The following MUSK variants were observed in gnomAD, a reference collection of about 807,000 sequenced individuals.
MUSK encodes the protein muscle, skeletal receptor tyrosine-protein kinase.
MUSK carries 55 observed loss-of-function variants against 88.7 expected under a neutral mutation model. The ratio of observed to expected loss-of-function variants is 0.62; its 90% CI spans 0.50 to 0.78. The LOEUF is 0.78. Ranked by LOEUF, MUSK falls within the 30% of genes least tolerant of loss-of-function variation. MUSK has a pLI of 0.00. For synonymous variants in MUSK, 387 were observed against 391.9 expected (o/e 0.99, Z 0.15); for missense variants, 1,015 against 1,074.3 (o/e 0.94, Z 0.77).
intron 6 of MUSK, among the ~76,000 whole-genome samples, chr9:110,737,355 T>C (rs187975203): frequency 4.6e-5 from 7 of 151,980 alleles, no homozygotes; most frequent in South Asian, 2.1e-4. Flanking sequence ...TTAAAATCAA[T>C]AAAACACTTC....
At chr9:110,702,687 A>T (rs953167857) in intron 5 of MUSK, among the ~76,000 whole-genome samples, 4 of 151,928 alleles carry the variant, frequency 2.6e-5, no homozygotes, top group African/African-American at 7.3e-5. Context: ...TGGCTTGAGC[A>T]CTGGAGACCA....
chr9:110,781,421 C>A (rs533990790), intron 11 of MUSK, among the ~76,000 whole-genome samples: 5 of 152,074 alleles, frequency 3.3e-5, no homozygotes, highest in African/African-American at 1.2e-4. Flanking sequence ...GGACTACAGG[C>A]GCCCACCACC....
intron 3 of MUSK, among the ~76,000 whole-genome samples, chr9:110,691,701 T>C (rs2076358156): frequency 6.6e-6 from 1 of 152,142 alleles, no homozygotes; most frequent in Admixed American, 6.6e-5. Context: ...ACCACACAAA[T>C]TAGAGGAATT....
intron 7 of MUSK, among the ~76,000 whole-genome samples, chr9:110,756,455 C>T (rs1475057380): frequency 4.6e-5 from 7 of 151,984 alleles, no homozygotes; most frequent in Non-Finnish European, 8.8e-5. Flanking sequence ...CATGTCCCTA[C>T]CATCCCAATG....
At chr9:110,689,443 T>C (rs1250529056) in intron 3 of MUSK, among the ~76,000 whole-genome samples, 2 of 106,320 alleles carry the variant, frequency 1.9e-5, no homozygotes, top group African/African-American at 4.5e-5. Flanking sequence ...AATATTAAAA[T>C]ATGTAAAAAA....
At chr9:110,749,640 G>T (rs1789796102) in intron 7 of MUSK, among the ~76,000 whole-genome samples, 1 of 152,204 alleles carries the variant, frequency 6.6e-6, no homozygotes, top group East Asian at 1.9e-4. Context: ...GTGTTAGGAG[G>T]TTGAGAAGTG....
At chr9:110,671,031 G>C (rs1031464172) in intron 1 of MUSK, among the ~76,000 whole-genome samples, 3 of 152,036 alleles carry the variant, frequency 2.0e-5, no homozygotes, top group African/African-American at 7.2e-5. Flanking sequence ...CAGTGCAGTG[G>C]TGTGATCTCA....
intron 5 of MUSK, among the ~76,000 whole-genome samples, chr9:110,725,114 T>C (rs1025925369): frequency 1.1e-4 from 16 of 152,104 alleles, no homozygotes; most frequent in Non-Finnish European, 2.1e-4. Context: ...GCAACCTGGT[T>C]GGAATTGGAG....
chr9:110,739,164 C>T (rs67368821), intron 6 of MUSK, among the ~76,000 whole-genome samples: 17 of 151,946 alleles, frequency 1.1e-4, no homozygotes, highest in African/African-American at 4.1e-4. Context: ...GTTAGAGTCC[C>T]CAAGATCACA....
chr9:110,766,230 AAG>A (rs1245261267), intron 8 of MUSK, among the ~76,000 whole-genome samples: 2 of 152,146 alleles, frequency 1.3e-5, no homozygotes, highest in African/African-American at 2.4e-5. Context: ...TGAGGGAAGA[AAG>A]AGAGGAGAGA....
chr9:110,669,379 T>C (rs1361472730), intron 1 of MUSK, among the ~76,000 whole-genome samples: 1 of 151,866 alleles, frequency 6.6e-6, no homozygotes, highest in Non-Finnish European at 1.5e-5. Flanking sequence ...TTCTCAGACA[T>C]CCAGAGCATT....
At chr9:110,704,980 A>G (rs541540883) in intron 5 of MUSK, among the ~76,000 whole-genome samples, 1 of 138,326 alleles carries the variant, frequency 7.2e-6, no homozygotes, top group Non-Finnish European at 1.6e-5. Context: ...GCAAGATTCC[A>G]TCTCAAAAAA....
chr9:110,670,229 G>C lies in MUSK; in HGVS notation c.79+1246G>C, dbSNP rs372477127. Among the ~76,000 whole-genome samples, 15 of 152,214 alleles carry C rather than the reference G, an allele frequency of 9.9e-5. No homozygotes were observed. The South Asian group carries it at 3.1e-3, about 32-fold the overall frequency. On this transcript the variant is annotated intron_variant, in intron 1 of 14. Transcript: ENST00000374448. ...GCATCTACAGATAAAAGAGACTCTAGATCTTTTCAAACAGCTAATAATAGT... is the reference window on the plus strand; with the variant it reads ...GCATCTACAGATAAAAGAGACTCTACATCTTTTCAAACAGCTAATAATAGT...
intron 5 of MUSK, chr9:110,705,946 T>C (rs778132300): frequency 2.7e-5 from 10 of 364,024 alleles, no homozygotes; most frequent in Admixed American, 7.0e-5. Context: ...CATTCTAAGA[T>C]GCTCATTATT....
At chr9:110,682,878 G>C in intron 2 of MUSK, 78 bp downstream of exon 2, 1 of 1,048,284 alleles carries the variant, frequency 9.5e-7, no homozygotes, top group East Asian at 2.7e-5. Flanking sequence ...TATTTATGAA[G>C]TAGATGAGAT....
chr9:110,726,141 G>A (rs1045562256), intron 5 of MUSK, among the ~76,000 whole-genome samples: 1 of 151,896 alleles, frequency 6.6e-6, no homozygotes, highest in Non-Finnish European at 1.5e-5. Context: ...TCTATAAAGA[G>A]GTATAATATA....
chr9:110,704,187 G>A (rs889109264), intron 5 of MUSK, among the ~76,000 whole-genome samples: 3 of 152,172 alleles, frequency 2.0e-5, no homozygotes, highest in Non-Finnish European at 2.9e-5. Flanking sequence ...ACAAGTGTAT[G>A]TTCAAGATTA....
chr9:110,723,246 C>CACACAA (rs2076838392), intron 5 of MUSK, among the ~76,000 whole-genome samples: 2 of 151,514 alleles, frequency 1.3e-5, no homozygotes, highest in Non-Finnish European at 2.9e-5. Flanking sequence ...CACACACACA[C>CACACAA]ACACACACAC....
At chr9:110,766,690 T>C (rs1311978629) in intron 8 of MUSK, among the ~76,000 whole-genome samples, 1 of 152,228 alleles carries the variant, frequency 6.6e-6, no homozygotes, top group African/African-American at 2.4e-5. Context: ...TTGACACAAA[T>C]TCTAATTTGT....
Sources: gnomAD v4.1 joint callset for allele counts (sites outside exome capture counted in the v4.1 genomes callset) on GRCh38, gnomAD v4.1.1 for gene constraint, MANE v1.5 for transcripts, NCBI Gene and HGNC (gene_info 2026-07-23, HGNC 2026-07-21) for gene names.